The following ZC3H12B variants were observed in gnomAD, a reference collection of about 807,000 sequenced individuals.
The protein encoded by ZC3H12B is zinc finger CCCH-type containing 12B, also known as probable ribonuclease ZC3H12B.
A neutral mutation model predicts 43.9 loss-of-function variants in ZC3H12B; 7 were observed. That is an observed-to-expected ratio of 0.16 (90% confidence interval 0.09 to 0.30). The LOEUF is 0.30. Ranked by LOEUF, ZC3H12B falls within the 10% of genes least tolerant of loss-of-function variation. The pLI, the probability that ZC3H12B is intolerant of heterozygous loss-of-function variation, is 1.00. For synonymous variants in ZC3H12B, 222 were observed against 241.7 expected (o/e 0.92, Z 0.76); for missense variants, 475 against 670.2 (o/e 0.71, Z 3.22).
intron 3 of ZC3H12B, among the ~76,000 whole-genome samples, chrX:65,433,267 G>A (rs1475909132): frequency 1.8e-5 from 2 of 112,161 alleles, no homozygotes; most frequent in Non-Finnish European, 3.8e-5. Flanking sequence ...GAATAGTGAT[G>A]CGATGAGAGT....
the ZC3H12B span, among the ~76,000 whole-genome samples, chrX:65,266,858 A>G: frequency 9.0e-6 from 1 of 111,067 alleles, no homozygotes; most frequent in Non-Finnish European, 1.9e-5. Context: ...TTAAAGGTAC[A>G]AATATTGGTC....
At chrX:65,413,633 G>T (rs759911037) in intron 3 of ZC3H12B, among the ~76,000 whole-genome samples, 1 of 112,141 alleles carries the variant, frequency 8.9e-6, no homozygotes, top group East Asian at 2.8e-4. Context: ...TGTTACATTG[G>T]TCTATATGCT....
chrX:65,064,268 C>T, the ZC3H12B span, among the ~76,000 whole-genome samples: 2 of 111,520 alleles, frequency 1.8e-5, no homozygotes, highest in African/African-American at 6.5e-5. Context: ...AGATCTTTCC[C>T]AGTTTCTGAT....
In ZC3H12B at chrX:65,465,679, T is replaced by G. The variant is rs149182161; in HGVS notation, n.408-22967T>G. ...TGTATTATGATTATTTGTGTTACTC[T>G]TTTCCTCCAATACTGCCTTATTTTG... On this transcript the variant is annotated intron_variant and non_coding_transcript_variant, in intron 3 of 5. Transcript: ENST00000617377. 3.1e-3 allele frequency among the ~76,000 whole-genome samples: 340 copies of G among 111,220 alleles called. 1 individual carries two copies. The highest frequency in any genetic ancestry group is 0.011 in the African/African-American group (326 of 30,848).
the ZC3H12B span, among the ~76,000 whole-genome samples, chrX:65,180,529 G>A: frequency 1.8e-5 from 2 of 111,215 alleles, no homozygotes; most frequent in Non-Finnish European, 3.8e-5. Flanking sequence ...CATCTCAGCC[G>A]AAAATCTCCT....
chrX:65,365,415 G>T (rs1008612210), upstream of ZC3H12B, among the ~76,000 whole-genome samples: 5 of 110,636 alleles, frequency 4.5e-5, no homozygotes, highest in African/African-American at 1.6e-4. Flanking sequence ...CCGCATCCAG[G>T]CTATCACCAA....
At chrX:65,114,036 G>A in the ZC3H12B span, among the ~76,000 whole-genome samples, 1 of 52,345 alleles carries the variant, frequency 1.9e-5, no homozygotes, top group African/African-American at 4.5e-5. Context: ...TTCATCTTTA[G>A]CCTGTTAATA....
At chrX:65,186,250 G>C in the ZC3H12B span, 4 of 110,886 alleles carry the variant, frequency 3.6e-5, no homozygotes, top group African/African-American at 1.3e-4. Flanking sequence ...CCAGCACTTT[G>C]GGAGGCCGAG....
the ZC3H12B span, among the ~76,000 whole-genome samples, chrX:65,198,955 T>C: frequency 9.0e-6 from 1 of 110,923 alleles, no homozygotes; most frequent in African/African-American, 3.3e-5. Context: ...GCCTCCTGAG[T>C]ATCTGAGATT....
the ZC3H12B span, among the ~76,000 whole-genome samples, chrX:65,137,083 C>T: frequency 9.0e-5 from 10 of 111,261 alleles, no homozygotes; most frequent in Admixed American, 3.8e-4. Context: ...AGATTATTTC[C>T]GCTGAAAGAC....
At chrX:65,477,349 G>A (rs1466789944) in intron 3 of ZC3H12B, among the ~76,000 whole-genome samples, 1 of 104,760 alleles carries the variant, frequency 9.5e-6, no homozygotes, top group Non-Finnish European at 1.9e-5. Flanking sequence ...TTACAAGGAG[G>A]TTAAACAAGC....
At chrX:65,130,111 CT>C in the ZC3H12B span, among the ~76,000 whole-genome samples, 1 of 111,303 alleles carries the variant, frequency 9.0e-6, no homozygotes, top group Non-Finnish European at 1.9e-5. Flanking sequence ...AGTTTTTGGG[CT>C]CTATCGTTGA....
intron 3 of ZC3H12B, among the ~76,000 whole-genome samples, chrX:65,474,544 A>G (rs2067967432): frequency 9.0e-6 from 1 of 111,170 alleles, no homozygotes; most frequent in African/African-American, 3.3e-5. Flanking sequence ...TACTATTGCT[A>G]TTTTTTAATT....
the ZC3H12B span, among the ~76,000 whole-genome samples, chrX:65,158,160 T>C: frequency 1.2e-4 from 13 of 109,353 alleles, no homozygotes; most frequent in Non-Finnish European, 2.5e-4. Flanking sequence ...ATTTTCTTAA[T>C]CCAGTCTATC....
the ZC3H12B span, among the ~76,000 whole-genome samples, chrX:65,102,245 A>G: frequency 8.9e-6 from 1 of 111,970 alleles, no homozygotes; most frequent in African/African-American, 3.3e-5. Flanking sequence ...CAAAATAATA[A>G]GAGCTATTTA....
the ZC3H12B span, among the ~76,000 whole-genome samples, chrX:65,128,773 G>T: frequency 3.6e-5 from 4 of 111,649 alleles, 1 homozygote; most frequent in African/African-American, 1.3e-4. Context: ...AGACTTACTG[G>T]TGAATTGGCC....
chrX:65,040,018 C>T, the ZC3H12B span, among the ~76,000 whole-genome samples: 1 of 111,425 alleles, frequency 9.0e-6, no homozygotes, highest in Non-Finnish European at 1.9e-5. Flanking sequence ...TCTGTTCTTC[C>T]AGGCTGTCTT....
chrX:65,073,345 G>C, the ZC3H12B span, among the ~76,000 whole-genome samples: 1 of 112,219 alleles, frequency 8.9e-6, no homozygotes, highest in African/African-American at 3.2e-5. Context: ...TTATGTGTCT[G>C]TGGGGGCCAC....
rs780168417 is a variant in ZC3H12B at position 65,442,826 on chromosome X, G to T, written n.407+44122G>T. Among the ~76,000 whole-genome samples, 3 of 111,843 alleles carry T rather than the reference G, an allele frequency of 2.7e-5. No individual in the cohort carries two copies. In the South Asian group the frequency reaches 1.1e-3, roughly 42 times the overall value. ...AGCTGTAATATTTCCCTCTTGATCT[G>T]GGGGGTGTATTCTAACAGGGAACTG... On this transcript the variant is annotated intron_variant and non_coding_transcript_variant, in intron 3 of 5. Transcript: ENST00000617377.
Sources: gnomAD v4.1 joint callset for allele counts (sites outside exome capture counted in the v4.1 genomes callset) on GRCh38, gnomAD v4.1.1 for gene constraint, MANE v1.5 for transcripts, NCBI Gene and HGNC (gene_info 2026-07-23, HGNC 2026-07-21) for gene names.